Variants in LEPR observed in about 807,000 individuals in gnomAD.
The protein encoded by LEPR is leptin receptor.
Under a neutral mutation model 114.7 loss-of-function variants are expected in LEPR, and 56 were observed. The observed-to-expected ratio is 0.49, with a 90% CI of 0.39 to 0.61. The LOEUF is 0.61. LEPR is among the 20% of genes least tolerant of loss of function. The probability of loss-of-function intolerance (pLI) is 0.00; values close to 1 mark genes in which losing one functional copy is unlikely to be tolerated. For missense variants in LEPR, 1,202 were observed against 1,352.9 expected, an observed-to-expected ratio of 0.89 and a Z score of 1.75; for synonymous variants, 443 against 461.4, an observed-to-expected ratio of 0.96 and a Z score of 0.51.
At chr1:65,513,886 A>G (rs867833333) in intron 2 of LEPR, among the ~76,000 whole-genome samples, 1 of 152,222 alleles carries the variant, frequency 6.6e-6, no homozygotes, top group African/African-American at 2.4e-5. Flanking sequence ...GGTGCAAGGA[A>G]ATAAAAAATA....
Position 65,610,020 on chromosome 1 carries a change from T to G in LEPR, c.1826T>G (p.Val609Gly). 6.2e-7 allele frequency: 1 copy of G among 1,614,212 alleles called. No individual in the cohort carries two copies. Among genetic ancestry groups the G allele is most frequent in the Non-Finnish European group, 8.5e-7 (1 of 1,180,026 alleles). ...PVPDLCAVYA[V>G]QVRCKRLDGL... ...CCAGACTTGTGTGCAGTCTATGCTGTTCAGGTGCGCTGTAAGAGGCTAGAT... is the reference window on the plus strand; with the variant it reads ...CCAGACTTGTGTGCAGTCTATGCTGGTCAGGTGCGCTGTAAGAGGCTAGAT... Residue 609 changes from valine to glycine, a missense_variant, in exon 13 of 20, where the codon GTT becomes GGT. Coordinates refer to ENST00000349533, the MANE Select transcript of LEPR (RefSeq NM_002303.6).
chr1:65,472,460 A>AAT (rs150705878), intron 2 of LEPR, among the ~76,000 whole-genome samples: 6,170 of 122,032 alleles, frequency 0.051, 459 homozygotes, highest in African/African-American at 0.16. Context: ...GTATATATAT[A>AAT]ATATATATAT....
At chr1:65,477,567 G>A (rs1243786462) in intron 2 of LEPR, among the ~76,000 whole-genome samples, 1 of 152,224 alleles carries the variant, frequency 6.6e-6, no homozygotes, top group Admixed American at 6.5e-5. Context: ...ATGCCACCTG[G>A]GATCTCTGTG....
chr1:65,636,325 A>G lies in LEPR; in HGVS notation c.2808A>G (p.Pro936=), dbSNP rs768776475. The G allele has an allele frequency of 2.5e-6, 4 of 1,614,082 alleles. No homozygotes were observed. The highest frequency in any genetic ancestry group is 3.4e-6 in the Non-Finnish European group (4 of 1,179,978). ...GGAAAAATAAAGATGAGATGATGCC[A>G]ACAACTGTGGTCTCTCTACTTTCAA... The part of the protein sequence containing the change: ...TSWKNKDEMM[P]TTVVSLLSTT... Residue 936 remains proline, a synonymous_variant, in exon 20 of 20, where the codon CCA becomes CCG. Coordinates refer to ENST00000349533, the MANE Select transcript of LEPR (RefSeq NM_002303.6).
At chr1:65,502,055 A>G (rs896575550) in intron 2 of LEPR, among the ~76,000 whole-genome samples, 2 of 152,166 alleles carry the variant, frequency 1.3e-5, no homozygotes, top group African/African-American at 4.8e-5. Flanking sequence ...ATGATTGACC[A>G]CTGGAAGGGT....
At chr1:65,514,222 A>ATGCC (rs1267604171) in intron 2 of LEPR, among the ~76,000 whole-genome samples, 207 of 152,346 alleles carry the variant, frequency 1.4e-3, no homozygotes, top group African/African-American at 4.6e-3. Context: ...TCAGATAGTC[A>ATGCC]AGGAAATATG....
chr1:65,560,222 T>C (rs1653215990), intron 2 of LEPR, among the ~76,000 whole-genome samples: 1 of 87,186 alleles, frequency 1.1e-5, no homozygotes, highest in Non-Finnish European at 2.4e-5. Context: ...CCTCTTTTAT[T>C]TCCTTGAGCA....
chr1:65,519,743 C>T (rs994567991), intron 2 of LEPR, among the ~76,000 whole-genome samples: 1 of 152,024 alleles, frequency 6.6e-6, no homozygotes, highest in African/African-American at 2.4e-5. Context: ...GATCACAGCT[C>T]ACTGCAGCCT....
chr1:65,507,405 C>CA (rs1246119068), intron 2 of LEPR, among the ~76,000 whole-genome samples: 6 of 149,166 alleles, frequency 4.0e-5, no homozygotes, highest in African/African-American at 1.5e-4. Flanking sequence ...TCCCAAATGA[C>CA]AGAGTTTTTT....
chr1:65,450,273 TA>T (rs1220066958), intron 2 of LEPR, among the ~76,000 whole-genome samples: 1 of 152,188 alleles, frequency 6.6e-6, no homozygotes, highest in Non-Finnish European at 1.5e-5. Context: ...AATGCTTTTT[TA>T]AAAAATTTAT....
intron 2 of LEPR, among the ~76,000 whole-genome samples, chr1:65,478,631 A>T (rs1383526024): frequency 6.6e-6 from 1 of 152,192 alleles, no homozygotes; most frequent in East Asian, 1.9e-4. Flanking sequence ...GTGGGTACTT[A>T]ATCTGTTCAG....
intron 7 of LEPR, 96 bp from the exon 8 acceptor site, chr1:65,598,560 TATTA>T (rs1656237457): frequency 6.6e-7 from 1 of 1,526,160 alleles, no homozygotes; most frequent in Admixed American, 1.8e-5. Flanking sequence ...CTGTGTAAGA[TATTA>T]ATTCTTTGAA....
chr1:65,522,260 C>T (rs750116706), intron 2 of LEPR, among the ~76,000 whole-genome samples: 8 of 152,078 alleles, frequency 5.3e-5, no homozygotes, highest in Non-Finnish European at 1.2e-4. Context: ...TTTGGGGTTC[C>T]ACTTTCTCCC....
intron 5 of LEPR, among the ~76,000 whole-genome samples, chr1:65,574,493 G>A (rs887591739): frequency 1.3e-5 from 2 of 152,148 alleles, no homozygotes; most frequent in African/African-American, 4.8e-5. Context: ...AAGTCCTTTG[G>A]GTGATTCTGA....
rs1227164967 is a variant in LEPR, at chr1:65,608,836, T to G, written c.1687T>G (p.Phe563Val). 6.2e-7 allele frequency: 1 copy of G among 1,613,780 alleles called. No individual in the cohort carries two copies. Residue 563 changes from phenylalanine to valine, a missense_variant, in exon 12 of 20, where the codon TTT (phenylalanine) becomes GTT (valine). Transcript: ENST00000349533. ...GAAAATATCTTGGGAAAAGCCAGTC[T>G]TTCCAGAGAATAACCTTCAATTCCA... ...LLKISWEKPV[F>V]PENNLQFQIR...
At chr1:65,429,126 G>A (rs567385913) in intron 2 of LEPR, among the ~76,000 whole-genome samples, 6 of 152,286 alleles carry the variant, frequency 3.9e-5, no homozygotes, top group Non-Finnish European at 7.4e-5. Context: ...AAAGAGGGTG[G>A]TATGTTCGAG....
chr1:65,564,133 T>C (rs7536254), intron 2 of LEPR, among the ~76,000 whole-genome samples: 1,433 of 124,856 alleles, frequency 0.011, no homozygotes, highest in African/African-American at 0.025. Context: ...TGGGCAATGG[T>C]GGGCGCCCCT....
chr1:65,478,124 T>C (rs922992872), intron 2 of LEPR, among the ~76,000 whole-genome samples: 4 of 152,202 alleles, frequency 2.6e-5, no homozygotes, highest in African/African-American at 9.7e-5. Flanking sequence ...AATTTTGACC[T>C]AAATATGTGC....
chr1:65,597,944 A>G (rs1389479653), intron 7 of LEPR, among the ~76,000 whole-genome samples: 2 of 151,606 alleles, frequency 1.3e-5, no homozygotes, highest in Admixed American at 1.3e-4. Context: ...ATGTTGTTTT[A>G]TGCATTCCTG....
Sources: gnomAD v4.1 joint callset for allele counts (sites outside exome capture counted in the v4.1 genomes callset) on GRCh38, gnomAD v4.1.1 for gene constraint, MANE v1.5 for transcripts, NCBI Gene and HGNC (gene_info 2026-07-23, HGNC 2026-07-21) for gene names.